NEO1: variants seen among roughly 807,000 people sequenced by gnomAD.
NEO1 encodes the protein neogenin.
In NEO1, 63 loss-of-function variants were observed where a neutral mutation model predicts 159.7. The ratio of observed to expected loss-of-function variants is 0.39; its 90% CI spans 0.32 to 0.49. NEO1 has a LOEUF of 0.49. Ranked by LOEUF, NEO1 falls within the 20% of genes least tolerant of loss-of-function variation. NEO1 has a pLI of 0.85. For missense variants in NEO1, 1,615 were observed against 1,831.0 expected (o/e 0.88, Z 2.15); for synonymous variants, 633 against 662.0 (o/e 0.96, Z 0.67).
At chr15:73,089,811 C>G (rs1428185181) in intron 1 of NEO1, among the ~76,000 whole-genome samples, 1 of 152,058 alleles carries the variant, frequency 6.6e-6, no homozygotes, top group East Asian at 1.9e-4. Flanking sequence ...CTACAGATAC[C>G]TCTCAAGTGT....
In NEO1 at chr15:73,110,486, A is replaced by G. The variant is rs145992273; in HGVS notation, c.131-6054A>G. 7.2e-5 allele frequency among the ~76,000 whole-genome samples: 11 copies of G among 152,324 alleles called. No homozygotes were observed. In the East Asian group the frequency reaches 2.1e-3, roughly 29 times the overall value. ...TCTGGGTACAATAAAGTTTAGAATT[A>G]TTACTGGTCACACACAATTAAGACA... On this transcript the variant is annotated intron_variant, in intron 1 of 28. Coordinates refer to ENST00000261908, the MANE Select transcript of NEO1 (RefSeq NM_002499.4).
At chr15:73,285,817 C>T (rs2041922604) in intron 23 of NEO1, among the ~76,000 whole-genome samples, 1 of 152,164 alleles carries the variant, frequency 6.6e-6, no homozygotes. Context: ...AGCACACCAC[C>T]ATCAAATCTG....
intron 23 of NEO1, among the ~76,000 whole-genome samples, chr15:73,284,227 C>T (rs1353424813): frequency 2.0e-5 from 3 of 152,036 alleles, no homozygotes; most frequent in Non-Finnish European, 4.4e-5. Context: ...AATAAAATGA[C>T]TTTAGTTGCA....
At position 73,293,426 on chromosome 15, in the gene NEO1, A is replaced by G; in HGVS notation, c.3779A>G (p.Asn1260Ser). The G allele has an allele frequency of 6.2e-7, 1 of 1,613,908 alleles. No homozygotes were observed. Among genetic ancestry groups the G allele is most frequent in the African/African-American group, 1.3e-5 (1 of 74,918 alleles). Residue 1260 changes from asparagine (N) to serine (S), a missense_variant, in exon 26 of 29, where the codon AAC (asparagine) becomes AGC (serine). Around this residue, in one of 3 missense-constraint regions of NEO1, gnomAD observed 471 missense variants for 498.9 expected, o/e 0.94. Transcript: ENST00000261908. Reference sequence around the variant, plus strand: ...GCCCATCCCATCCATTCCCTCGATAACCCTCACCATCATTTCCACTCCAGC... The same window carrying G: ...GCCCATCCCATCCATTCCCTCGATAGCCCTCACCATCATTTCCACTCCAGC... ...ISAHPIHSLD[N>S]PHHHFHSSSL...
At chr15:73,194,556 GA>G (rs953162517) in intron 7 of NEO1, among the ~76,000 whole-genome samples, 1 of 152,084 alleles carries the variant, frequency 6.6e-6, no homozygotes, top group Non-Finnish European at 1.5e-5. Flanking sequence ...AGTTCTCAAG[GA>G]AACTAACCGA....
intron 1 of NEO1, among the ~76,000 whole-genome samples, chr15:73,115,400 T>G (rs981396573): frequency 4.6e-5 from 7 of 152,218 alleles, no homozygotes; most frequent in Admixed American, 3.9e-4. Context: ...TGATTAGAAT[T>G]AGAATTTGTT....
intron 1 of NEO1, among the ~76,000 whole-genome samples, chr15:73,063,083 AAGAAT>A (rs1278059015): frequency 6.6e-6 from 1 of 152,222 alleles, no homozygotes; most frequent in East Asian, 1.9e-4. Flanking sequence ...GACCTAGAAT[AAGAAT>A]TATATAAAAT....
chr15:73,145,853 G>A (rs2032850575), intron 5 of NEO1, among the ~76,000 whole-genome samples: 1 of 152,042 alleles, frequency 6.6e-6, no homozygotes, highest in African/African-American at 2.4e-5. Flanking sequence ...TATCTTGAAA[G>A]GATCATTTTT....
chr15:73,180,414 G>A (rs2035535663), intron 7 of NEO1, among the ~76,000 whole-genome samples: 1 of 152,098 alleles, frequency 6.6e-6, no homozygotes, highest in Non-Finnish European at 1.5e-5. Context: ...AATGATTTTA[G>A]TAGAAGCATG....
intron 15 of NEO1, 108 bp downstream of exon 15, chr15:73,260,573 A>G: frequency 3.1e-6 from 3 of 978,816 alleles, no homozygotes; most frequent in Non-Finnish European, 4.3e-6. Flanking sequence ...TAGTACAAGT[A>G]ATTTCTGCAT....
intron 7 of NEO1, among the ~76,000 whole-genome samples, chr15:73,226,260 A>G (rs1470017694): frequency 6.6e-6 from 1 of 152,298 alleles, no homozygotes; most frequent in East Asian, 1.9e-4. Context: ...TTAAATTCAC[A>G]GTGCGAGCCT....
intron 5 of NEO1, among the ~76,000 whole-genome samples, chr15:73,145,569 C>T (rs928580707): frequency 3.3e-5 from 5 of 152,118 alleles, no homozygotes; most frequent in African/African-American, 1.2e-4. Flanking sequence ...AAACAGCCTA[C>T]CTATGTATCA....
chr15:73,257,132 C>CAAAAAAAAAAAAA lies in NEO1; in HGVS notation c.2093-1625_2093-1613dup, dbSNP rs10623334. Among the ~76,000 whole-genome samples the CAAAAAAAAAAAAA allele has an allele frequency of 7.3e-3, 397 of 54,746 alleles. 46 individuals are homozygous for CAAAAAAAAAAAAA. The highest frequency in any genetic ancestry group is 0.022 in the African/African-American group (384 of 17,156). The allele number at this position is 54,746 out of a possible 152,430, so 35.9% of individuals were successfully genotyped here. ...GGGCAACAGAGAGAGACTCTGTCTC[C>CAAAAAAAAAAAAA]AAAAAAAAAAAAAAAAAAAAAGTTT... On this transcript the variant is annotated intron_variant, in intron 13 of 28. Transcript: ENST00000261908.
intron 9 of NEO1, 43 bp downstream of exon 9, chr15:73,244,541 C>T: frequency 1.3e-6 from 2 of 1,593,868 alleles, no homozygotes; most frequent in Non-Finnish European, 1.7e-6. Context: ...AGAGGTAGAC[C>T]TCTCTGAAGT....
chr15:73,107,415 A>C (rs1370478232), intron 1 of NEO1, among the ~76,000 whole-genome samples: 1 of 152,206 alleles, frequency 6.6e-6, no homozygotes, highest in African/African-American at 2.4e-5. Context: ...TAACTGCAGA[A>C]GATAGAGAAG....
chr15:73,115,866 A>C (rs949258542), intron 1 of NEO1, among the ~76,000 whole-genome samples: 1 of 152,238 alleles, frequency 6.6e-6, no homozygotes, highest in Non-Finnish European at 1.5e-5. Context: ...ATTCTAGATG[A>C]AGATTAAATG....
rs541208628 is a variant in NEO1, at chr15:73,134,636, C to T, written c.879-1255C>T. Among the ~76,000 whole-genome samples, 6 of 151,922 alleles carry T rather than the reference C, an allele frequency of 3.9e-5. No homozygotes were observed. The East Asian group carries it at 7.8e-4, about 20-fold the overall frequency. ...CGTGATCTTGGCTTACTGCAACCTC[C>T]GCTTCCCGGGTTCAAGCGATTCTCC... On this transcript the variant is annotated intron_variant, in intron 4 of 28. Coordinates refer to ENST00000261908, the MANE Select transcript of NEO1 (RefSeq NM_002499.4).
chr15:73,213,545 T>G (rs1030385987), intron 7 of NEO1, among the ~76,000 whole-genome samples: 3 of 152,182 alleles, frequency 2.0e-5, no homozygotes, highest in Non-Finnish European at 1.5e-5. Flanking sequence ...CTGAGTTACT[T>G]CACTTTGAAT....
chr15:73,276,199 A>G (rs1383454885), intron 21 of NEO1, among the ~76,000 whole-genome samples: 2 of 152,174 alleles, frequency 1.3e-5, no homozygotes, highest in Non-Finnish European at 2.9e-5. Flanking sequence ...TTACTCATTG[A>G]TATTTTTGGT....
Sources: allele counts gnomAD v4.1 joint callset (sites outside exome capture counted in the v4.1 genomes callset), GRCh38; gene constraint gnomAD v4.1.1; regional missense constraint gnomAD v4.1.1; transcripts MANE v1.5; gene names NCBI Gene and HGNC (gene_info 2026-07-23, HGNC 2026-07-21).